The following BCAS3 variants were observed in gnomAD, a reference collection of about 807,000 sequenced individuals.
The protein encoded by BCAS3 is BCAS4/BCAS3 fusion.
Under a neutral mutation model 116.1 loss-of-function variants are expected in BCAS3, and 53 were observed. That is an observed-to-expected ratio of 0.46 (90% CI 0.37 to 0.57). The LOEUF (loss-of-function observed/expected upper bound fraction) is 0.57. Among genes scored for constraint, BCAS3 ranks in the 20% least tolerant of loss-of-function variants. BCAS3 has a pLI of 0.00. For missense variants in BCAS3, 917 were observed against 1,165.4 expected (o/e 0.79, Z 3.10); for synonymous variants, 391 against 408.2 (o/e 0.96, Z 0.51).
intron 6 of BCAS3, among the ~76,000 whole-genome samples, chr17:60,751,547 T>C (rs527807416): frequency 3.9e-4 from 9 of 22,962 alleles, no homozygotes; most frequent in African/African-American, 4.2e-4. Flanking sequence ...TTTTTCTTTT[T>C]TTTTTTTTTT....
rs547781377 is a variant in BCAS3, at chr17:60,689,800, G to C, written c.214+39G>C. ...TTTTTTTGGGACGTGTGAATTAATT[G>C]TTTGTTTGGAGTACCTGATTCCAAA... On this transcript the variant is annotated intron_variant, in intron 4 of 23. Coordinates refer to ENST00000407086, the MANE Select transcript of BCAS3 (RefSeq NM_017679.5). 4.2e-6 allele frequency: 6 copies of C among 1,416,944 alleles called. No individual in the cohort carries two copies. In the African/African-American group the frequency reaches 7.1e-5, roughly 17 times the overall value. The allele number at this position is 1,416,944 out of a possible 1,614,324, so 87.8% of individuals were successfully genotyped here.
intron 6 of BCAS3, 108 bp from the exon 7 acceptor site, chr17:60,807,896 C>A: frequency 1.4e-6 from 1 of 694,396 alleles, no homozygotes. Context: ...ATTATGTCAA[C>A]TTATAATGAA....
At chr17:60,790,749 T>G (rs1230777618) in intron 6 of BCAS3, among the ~76,000 whole-genome samples, 5 of 148,100 alleles carry the variant, frequency 3.4e-5, no homozygotes, top group African/African-American at 9.9e-5. Context: ...GGTTTTTTTT[T>G]TTTTTTTTTT....
At chr17:60,963,248 T>C (rs1250914585) in intron 14 of BCAS3, among the ~76,000 whole-genome samples, 1 of 151,992 alleles carries the variant, frequency 6.6e-6, no homozygotes, top group East Asian at 1.9e-4. Flanking sequence ...TGTTAAGATT[T>C]TTTTTTTCCT....
At chr17:61,133,126 T>A (rs759338958) in intron 22 of BCAS3, among the ~76,000 whole-genome samples, 1 of 152,176 alleles carries the variant, frequency 6.6e-6, no homozygotes, top group Non-Finnish European at 1.5e-5. Context: ...TTTACCTCTG[T>A]CTCAACCAAA....
intron 19 of BCAS3, among the ~76,000 whole-genome samples, chr17:61,053,389 CA>C (rs1212087862): frequency 6.6e-6 from 1 of 152,192 alleles, no homozygotes; most frequent in African/African-American, 2.4e-5. Flanking sequence ...GTTTTGAGTC[CA>C]ATGCTGATAT....
chr17:61,058,709 A>T (rs1407348300), intron 19 of BCAS3, among the ~76,000 whole-genome samples: 2 of 152,124 alleles, frequency 1.3e-5, no homozygotes, highest in East Asian at 3.8e-4. Flanking sequence ...ATTTTTCCCC[A>T]TTGTTTGATC....
intron 22 of BCAS3, among the ~76,000 whole-genome samples, chr17:61,330,190 T>A (rs2143101749): frequency 6.6e-6 from 1 of 152,210 alleles, no homozygotes; most frequent in East Asian, 1.9e-4. Context: ...CTTCGTTTCT[T>A]CCTACCTTCC....
chr17:61,260,920 A>G (rs1235019390), intron 22 of BCAS3, among the ~76,000 whole-genome samples: 4 of 152,212 alleles, frequency 2.6e-5, no homozygotes, highest in Non-Finnish European at 5.9e-5. Context: ...GTGTACTGTT[A>G]CAGTTGAAAA....
At chr17:61,091,123 T>C (rs2073527348) in intron 22 of BCAS3, among the ~76,000 whole-genome samples, 1 of 152,220 alleles carries the variant, frequency 6.6e-6, no homozygotes, top group African/African-American at 2.4e-5. Context: ...TGATGACACA[T>C]TGCTTCTTTG....
At chr17:60,824,216 A>T (rs1270232719) in intron 7 of BCAS3, among the ~76,000 whole-genome samples, 1 of 152,212 alleles carries the variant, frequency 6.6e-6, no homozygotes, top group Non-Finnish European at 1.5e-5. Context: ...AAGAAATTAC[A>T]GTCACTAAGT....
chr17:60,863,322 A>C (rs2054310283), intron 7 of BCAS3, among the ~76,000 whole-genome samples: 1 of 152,178 alleles, frequency 6.6e-6, no homozygotes, highest in Non-Finnish European at 1.5e-5. Context: ...TGTCTTATAC[A>C]TGTATATCAT....
At chr17:60,745,683 A>G (rs2041962078) in intron 5 of BCAS3, among the ~76,000 whole-genome samples, 1 of 152,140 alleles carries the variant, frequency 6.6e-6, no homozygotes, top group African/African-American at 2.4e-5. Flanking sequence ...ATAGTTTGGA[A>G]TAATGAGTTT....
At chr17:60,959,652 T>G (rs979931759) in intron 14 of BCAS3, among the ~76,000 whole-genome samples, 4 of 152,204 alleles carry the variant, frequency 2.6e-5, no homozygotes, top group African/African-American at 9.6e-5. Context: ...ATTGTTCATA[T>G]TATAAAATTC....
At position 61,368,436 on chromosome 17, in the gene BCAS3, G is replaced by A. The variant is rs376089700; in HGVS notation, c.2535G>A (p.Glu845=). ...SMEHTEEGLR[E]RLADAMAESP... Reference sequence around the variant, plus strand: ...AGCACACGGAGGAGGGCCTCCGGGAGCGACTTGCCGACGCCATGGCCGAGT... The same window carrying A: ...AGCACACGGAGGAGGGCCTCCGGGAACGACTTGCCGACGCCATGGCCGAGT... Residue 845 remains glutamate, a synonymous_variant, in exon 23 of 24, where the codon GAG becomes GAA. Transcript: ENST00000407086. This position sits in a 1 kb window ranked among gnomAD's most constrained non-coding sequence, Gnocchi z 6.0. The A allele has an allele frequency of 3.1e-6, 5 of 1,612,412 alleles. No individual in the cohort carries two copies. The highest frequency in any genetic ancestry group is 2.7e-5 in the African/African-American group (2 of 74,920).
chr17:60,959,606 T>C (rs2061316470), intron 14 of BCAS3, among the ~76,000 whole-genome samples: 1 of 152,204 alleles, frequency 6.6e-6, no homozygotes, highest in Admixed American at 6.5e-5. Flanking sequence ...TAATATGTAC[T>C]TACCATAGAA....
intron 6 of BCAS3, among the ~76,000 whole-genome samples, chr17:60,769,518 C>T (rs1030793280): frequency 1.3e-5 from 2 of 152,190 alleles, no homozygotes; most frequent in Non-Finnish European, 2.9e-5. Context: ...ACCTCCAGCC[C>T]CAGGGGAGTT....
At chr17:61,005,953 C>T (rs964300932) in intron 15 of BCAS3, among the ~76,000 whole-genome samples, 2 of 151,998 alleles carry the variant, frequency 1.3e-5, no homozygotes, top group African/African-American at 4.8e-5. Flanking sequence ...CCCCTTCCCC[C>T]CACTCCACCA....
chr17:60,840,686 G>T (rs1025756961), intron 7 of BCAS3, among the ~76,000 whole-genome samples: 2 of 152,034 alleles, frequency 1.3e-5, no homozygotes, highest in African/African-American at 4.8e-5. Flanking sequence ...AGGTTTCCCC[G>T]TGTTTACAAC....
Sources: allele counts gnomAD v4.1 joint callset (sites outside exome capture counted in the v4.1 genomes callset), GRCh38; gene constraint gnomAD v4.1.1; non-coding constraint Gnocchi (gnomAD v3.1); transcripts MANE v1.5; gene names NCBI Gene and HGNC (gene_info 2026-07-23, HGNC 2026-07-21).